IL1RAPL1: variants seen among roughly 807,000 people sequenced by gnomAD.
IL1RAPL1 encodes interleukin 1 receptor accessory protein like 1.
A neutral mutation model predicts 48.4 loss-of-function variants in IL1RAPL1; 3 were observed. The ratio of observed to expected loss-of-function variants is 0.06; its 90% CI spans 0.03 to 0.16. The LOEUF (loss-of-function observed/expected upper bound fraction) is 0.16, where lower values mean the gene tolerates loss of function less well. Among genes scored for constraint, IL1RAPL1 ranks in the 10% least tolerant of loss-of-function variants. The pLI, the probability that IL1RAPL1 is intolerant of heterozygous loss-of-function variation, is 1.00. For synonymous variants in IL1RAPL1, 185 were observed against 187.7 expected (o/e 0.99, Z 0.12); for missense variants, 349 against 530.6 (o/e 0.66, Z 3.36).
intron 2 of IL1RAPL1, among the ~76,000 whole-genome samples, chrX:29,127,932 C>G (rs760154075): frequency 2.8e-5 from 3 of 106,995 alleles, no homozygotes; most frequent in Non-Finnish European, 5.8e-5. Flanking sequence ...CCACTGCACT[C>G]CAGTCTGGGA....
At chrX:28,953,011 G>A (rs751473131) in intron 2 of IL1RAPL1, among the ~76,000 whole-genome samples, 2 of 110,870 alleles carry the variant, frequency 1.8e-5, no homozygotes, top group Non-Finnish European at 3.8e-5. Context: ...CTGTGTAATG[G>A]GTTTTCATTT....
intron 3 of IL1RAPL1, among the ~76,000 whole-genome samples, chrX:29,325,153 A>G (rs1171005349): frequency 8.9e-6 from 1 of 112,165 alleles, no homozygotes; most frequent in Non-Finnish European, 1.9e-5. Context: ...TTGACAATTA[A>G]AAAGAATGAA....
At chrX:29,132,457 A>G (rs940998063) in intron 2 of IL1RAPL1, among the ~76,000 whole-genome samples, 3 of 112,210 alleles carry the variant, frequency 2.7e-5, no homozygotes, top group Admixed American at 1.9e-4. Context: ...AGTATTCAGT[A>G]CAGTCAGATG....
rs188554256 is a variant in IL1RAPL1 at position 29,269,413 on chromosome X, T to C, written c.83-13525T>C. On this transcript the variant is annotated intron_variant, in intron 2 of 10. Coordinates refer to ENST00000378993, the MANE Select transcript of IL1RAPL1 (RefSeq NM_014271.4). ...AAGTACTTCACCTCAAATTTATCAATCCTTTAAAATATACATGAATTTACC... is the reference window on the plus strand; with the variant it reads ...AAGTACTTCACCTCAAATTTATCAACCCTTTAAAATATACATGAATTTACC... 4.9e-3 allele frequency among the ~76,000 whole-genome samples: 543 copies of C among 111,084 alleles called. 3 individuals are homozygous for C. The highest frequency in any genetic ancestry group is 0.016 in the African/African-American group (497 of 30,687).
chrX:28,720,052 C>A (rs1291167616), intron 1 of IL1RAPL1, among the ~76,000 whole-genome samples: 4 of 110,813 alleles, frequency 3.6e-5, no homozygotes, highest in Non-Finnish European at 7.6e-5. Flanking sequence ...GTTGCATATC[C>A]CCAAGTAATT....
At chrX:29,681,495 C>G (rs1926448864) in intron 6 of IL1RAPL1, among the ~76,000 whole-genome samples, 1 of 111,579 alleles carries the variant, frequency 9.0e-6, no homozygotes, top group Non-Finnish European at 1.9e-5. Context: ...GCAATCTGGC[C>G]CCACAAAAAA....
At chrX:29,111,471 A>G (rs747112696) in intron 2 of IL1RAPL1, among the ~76,000 whole-genome samples, 3 of 111,777 alleles carry the variant, frequency 2.7e-5, no homozygotes, top group Non-Finnish European at 3.8e-5. Flanking sequence ...TGATATAAAC[A>G]TATGGTGCTT....
At chrX:29,782,072 ATCTATCTGTCTGTCTG>A (rs1221063845) in intron 6 of IL1RAPL1, among the ~76,000 whole-genome samples, 3 of 80,652 alleles carry the variant, frequency 3.7e-5, no homozygotes, top group African/African-American at 1.5e-4. Flanking sequence ...GTTGATCCAT[ATCTATCTGTCTGTCTG>A]TCTGTCTGTC....
chrX:29,590,997 A>G (rs1214062260), intron 5 of IL1RAPL1, among the ~76,000 whole-genome samples: 1 of 112,571 alleles, frequency 8.9e-6, no homozygotes, highest in Non-Finnish European at 1.9e-5. Context: ...TAGGCTAATG[A>G]TTAGTTCTCT....
intron 5 of IL1RAPL1, among the ~76,000 whole-genome samples, chrX:29,430,678 A>G (rs1269361888): frequency 9.0e-6 from 1 of 110,605 alleles, no homozygotes; most frequent in Non-Finnish European, 1.9e-5. Context: ...CATGATAGAT[A>G]TATAAATGTG....
intron 6 of IL1RAPL1, among the ~76,000 whole-genome samples, chrX:29,809,271 C>CAT (rs1169812167): frequency 1.9e-5 from 2 of 104,841 alleles, no homozygotes; most frequent in Non-Finnish European, 3.9e-5. Flanking sequence ...TAATTTTTTG[C>CAT]ATTTTTTTTT....
At chrX:28,764,942 G>A (rs1255954521) in intron 1 of IL1RAPL1, among the ~76,000 whole-genome samples, 5 of 110,515 alleles carry the variant, frequency 4.5e-5, no homozygotes, top group Non-Finnish European at 9.4e-5. Context: ...AGAAAATGTG[G>A]CACATATACA....
chrX:29,289,168 A>G lies in IL1RAPL1; in HGVS notation c.362+5951A>G, dbSNP rs372761044. 1.1e-4 allele frequency among the ~76,000 whole-genome samples: 12 copies of G among 112,108 alleles called. No individual in the cohort carries two copies. In the East Asian group the frequency reaches 1.1e-3, roughly 10 times the overall value. On this transcript the variant is annotated intron_variant, in intron 3 of 10. Coordinates refer to ENST00000378993, the MANE Select transcript of IL1RAPL1 (RefSeq NM_014271.4). ...CTGTGCAAAACTCTTTAGTTTAATT[A>G]GATCCCATTTGTCAATTTTTGCTTT...
At chrX:28,836,766 C>G (rs997223378) in intron 2 of IL1RAPL1, among the ~76,000 whole-genome samples, 6 of 110,199 alleles carry the variant, frequency 5.4e-5, no homozygotes, top group African/African-American at 2.0e-4. Context: ...TCGTCATCAT[C>G]ATCACCACCA....
intron 5 of IL1RAPL1, among the ~76,000 whole-genome samples, chrX:29,559,701 A>G (rs912367277): frequency 9.1e-6 from 1 of 109,849 alleles, no homozygotes; most frequent in Non-Finnish European, 1.9e-5. Flanking sequence ...TGTGGTTACC[A>G]TGAGGTTTAC....
intron 5 of IL1RAPL1, among the ~76,000 whole-genome samples, chrX:29,631,767 C>T (rs1237586053): frequency 9.0e-6 from 1 of 110,854 alleles, no homozygotes; most frequent in Non-Finnish European, 1.9e-5. Flanking sequence ...TGCACTCCAG[C>T]CTGGGTGACA....
chrX:28,709,646 A>G (rs1035976439), intron 1 of IL1RAPL1, among the ~76,000 whole-genome samples: 2 of 110,766 alleles, frequency 1.8e-5, no homozygotes, highest in African/African-American at 6.6e-5. Context: ...GCACAAAATG[A>G]TAATGCTTCA....
At chrX:28,934,332 C>G (rs747495215) in intron 2 of IL1RAPL1, among the ~76,000 whole-genome samples, 1 of 111,582 alleles carries the variant, frequency 9.0e-6, no homozygotes, top group Non-Finnish European at 1.9e-5. Context: ...GGAGACGTTT[C>G]ACTTCCTTGT....
Position 29,735,327 on chromosome X carries a change from A to G in IL1RAPL1, c.778+66823A>G, listed in dbSNP as rs11795434. On this transcript the variant is annotated intron_variant, in intron 6 of 10. Transcript: ENST00000378993. ...TTCTTACATGGACCTCTACAACTAT[A>G]TTGAGCCCACCTAGATAATTCAGGA... Among the ~76,000 whole-genome samples, 204 of 111,892 alleles carry G rather than the reference A, an allele frequency of 1.8e-3. 3 individuals carry two copies. Among genetic ancestry groups the G allele is most frequent in the Non-Finnish European group, 2.6e-3 (140 of 53,202 alleles).
Sources: allele counts gnomAD v4.1 joint callset (sites outside exome capture counted in the v4.1 genomes callset), GRCh38; gene constraint gnomAD v4.1.1; transcripts MANE v1.5; gene names NCBI Gene and HGNC (gene_info 2026-07-23, HGNC 2026-07-21).